MSI2: variants seen among roughly 807,000 people sequenced by gnomAD.
MSI2 encodes musashi RNA binding protein 2, also known as RNA-binding protein Musashi homolog 2.
MSI2 carries 17 observed loss-of-function variants against 45.6 expected under a neutral mutation model. That is an observed-to-expected ratio of 0.37 (90% CI 0.26 to 0.56). The LOEUF (loss-of-function observed/expected upper bound fraction) is 0.56, where lower values mean the gene tolerates loss of function less well. Among genes scored for constraint, MSI2 ranks in the 20% least tolerant of loss-of-function variants. The pLI is 0.77. For missense variants in MSI2, 293 were observed against 444.2 expected, an observed-to-expected ratio of 0.66 and a Z score of 3.06; for synonymous variants, 156 against 158.2, an observed-to-expected ratio of 0.99 and a Z score of 0.11.
chr17:57,411,539 G>A (rs931803973), intron 6 of MSI2, among the ~76,000 whole-genome samples: 18 of 152,162 alleles, frequency 1.2e-4, no homozygotes, highest in African/African-American at 4.3e-4. Flanking sequence ...AGGTAAGGAA[G>A]ACTAGGAGAG....
intron 5 of MSI2, among the ~76,000 whole-genome samples, chr17:57,308,833 T>TG (rs1380750176): frequency 6.6e-6 from 1 of 152,162 alleles, no homozygotes; most frequent in Non-Finnish European, 1.5e-5. Context: ...CTGTTTTTCC[T>TG]GGTGAGTTTT....
chr17:57,550,830 T>G (rs1234753416), intron 7 of MSI2, among the ~76,000 whole-genome samples: 1 of 152,164 alleles, frequency 6.6e-6, no homozygotes, highest in Non-Finnish European at 1.5e-5. Flanking sequence ...CACGTAGCCC[T>G]CTGTCTAGGG....
At chr17:57,497,719 T>C (rs1476211957) in intron 6 of MSI2, among the ~76,000 whole-genome samples, 1 of 152,180 alleles carries the variant, frequency 6.6e-6, no homozygotes, top group Non-Finnish European at 1.5e-5. Flanking sequence ...GAAACATGCT[T>C]TCTGAAGGAG....
chr17:57,673,884 G>A (rs1370367328), intron 11 of MSI2, among the ~76,000 whole-genome samples: 1 of 151,814 alleles, frequency 6.6e-6, no homozygotes, highest in African/African-American at 2.4e-5. Flanking sequence ...CAGGTGTTTT[G>A]GTCAGCTATG....
intron 8 of MSI2, among the ~76,000 whole-genome samples, chr17:57,605,868 C>A (rs1410136239): frequency 6.6e-6 from 1 of 152,248 alleles, no homozygotes; most frequent in African/African-American, 2.4e-5. Flanking sequence ...TCTGGCCCAG[C>A]CCACCGTGCC....
chr17:57,633,234 G>A (rs995804650), intron 10 of MSI2: 38 of 975,670 alleles, frequency 3.9e-5, no homozygotes, highest in African/African-American at 2.1e-4. Context: ...TTCTCGCTCC[G>A]GGGGAGGTGA....
chr17:57,416,436 C>T (rs1020758046), intron 6 of MSI2, among the ~76,000 whole-genome samples: 8 of 152,268 alleles, frequency 5.3e-5, no homozygotes, highest in Admixed American at 1.3e-4. Flanking sequence ...GGCTGGAAGC[C>T]GCCCGAAATA....
intron 6 of MSI2, among the ~76,000 whole-genome samples, chr17:57,526,033 T>C (rs1567877604): frequency 1.3e-5 from 2 of 152,166 alleles, no homozygotes; most frequent in African/African-American, 2.4e-5. Flanking sequence ...AAGACCAGCC[T>C]GACCAATGTG....
chr17:57,455,786 C>A lies in MSI2; in HGVS notation c.405+54315C>A, dbSNP rs140459656. Among the ~76,000 whole-genome samples the A allele has an allele frequency of 1.7e-3, 263 of 152,300 alleles. 1 individual carries two copies. The highest frequency in any genetic ancestry group is 6.2e-3 in the African/African-American group (256 of 41,550). ...GGGCCGCGTGGAGTGCCCAGCGGAACCTGCTCATGCTGATTTGCTGCGTCA... is the reference window on the plus strand; with the variant it reads ...GGGCCGCGTGGAGTGCCCAGCGGAAACTGCTCATGCTGATTTGCTGCGTCA... On this transcript the variant is annotated intron_variant, in intron 6 of 13. Coordinates refer to ENST00000284073, the MANE Select transcript of MSI2 (RefSeq NM_138962.4).
chr17:57,693,785 G>A, the MSI2 span, among the ~76,000 whole-genome samples: 1 of 152,180 alleles, frequency 6.6e-6, no homozygotes, highest in Non-Finnish European at 1.5e-5. Context: ...TTGATTGAAA[G>A]CAAAACATCT....
the MSI2 span, among the ~76,000 whole-genome samples, chr17:57,695,754 G>A: frequency 1.3e-5 from 2 of 152,094 alleles, no homozygotes; most frequent in African/African-American, 4.8e-5. Flanking sequence ...ATACTGGGTG[G>A]CTTAAACAAC....
In MSI2 at chr17:57,269,935, C is replaced by T. The variant is rs116188848; in HGVS notation, c.312+7743C>T. Among the ~76,000 whole-genome samples the T allele has an allele frequency of 3.0e-3, 462 of 152,198 alleles. 6 individuals carry two copies. Among genetic ancestry groups the T allele is most frequent in the African/African-American group, 0.011 (451 of 41,524 alleles). ...GCGCAGGTGTGGTCTTGGGGCTGAG[C>T]ACCCTGTGGTATGTTGTAGCAGCAG... On this transcript the variant is annotated intron_variant, in intron 5 of 13. Coordinates refer to ENST00000284073, the MANE Select transcript of MSI2 (RefSeq NM_138962.4).
At position 57,257,452 on chromosome 17, in the gene MSI2, T is replaced by C. The variant is rs1598033978; in HGVS notation, c.104-14T>C. ...TTCTCTCCCCCCCCCATCTCTCTCT[T>C]TCTCTCTCTACAGATAGCCTTAGAG... On this transcript the variant is annotated splice_polypyrimidine_tract_variant and intron_variant, in intron 2 of 13. Coordinates refer to ENST00000284073, the MANE Select transcript of MSI2 (RefSeq NM_138962.4). 1 of 1,379,200 alleles carries C rather than the reference T, an allele frequency of 7.3e-7. No individual in the cohort carries two copies. The highest frequency in any genetic ancestry group is 2.3e-5 in the East Asian group (1 of 43,252). The allele number at this position is 1,379,200 out of a possible 1,614,324, so 85.4% of individuals were successfully genotyped here.
rs540403646 is a variant in MSI2, at chr17:57,308,804, C to T, written c.312+46612C>T. Among the ~76,000 whole-genome samples the T allele has an allele frequency of 2.8e-4, 43 of 152,284 alleles. 1 individual carries two copies. The South Asian group carries it at 7.9e-3, about 28-fold the overall frequency. ...ACAACCCCCCTCATTTCCACTTCCA[C>T]GTTGTCCTTGAGGAGGAGCTGTTTT... On this transcript the variant is annotated intron_variant, in intron 5 of 13. Transcript: ENST00000284073.
chr17:57,436,201 C>T (rs185407128), intron 6 of MSI2, among the ~76,000 whole-genome samples: 2 of 152,268 alleles, frequency 1.3e-5, no homozygotes, highest in East Asian at 1.9e-4. Flanking sequence ...CGTGGGCAAG[C>T]GACTTGACCT....
In MSI2 at chr17:57,503,795, A is replaced by G. The variant is rs76465691; in HGVS notation, c.406-25881A>G. On this transcript the variant is annotated intron_variant, in intron 6 of 13. Transcript: ENST00000284073. Reference sequence around the variant, plus strand: ...AGAGTCTTGCTGTTGTCCAGGCTGGAGTGCAGTCGCGCAATCGCGGCTCAC... The same window carrying G: ...AGAGTCTTGCTGTTGTCCAGGCTGGGGTGCAGTCGCGCAATCGCGGCTCAC... 8.1e-3 allele frequency among the ~76,000 whole-genome samples: 1,227 copies of G among 152,292 alleles called. 10 individuals are homozygous for G. The highest frequency in any genetic ancestry group is 0.027 in the African/African-American group (1,129 of 41,554).
intron 7 of MSI2, among the ~76,000 whole-genome samples, chr17:57,530,707 C>G (rs577292199): frequency 2.5e-4 from 38 of 152,276 alleles, no homozygotes; most frequent in African/African-American, 8.9e-4. Flanking sequence ...TGTTTACATT[C>G]CTGCTGTCAC....
At chr17:57,503,830 C>T (rs1257044719) in intron 6 of MSI2, among the ~76,000 whole-genome samples, 2 of 152,206 alleles carry the variant, frequency 1.3e-5, no homozygotes, top group South Asian at 2.1e-4. Context: ...CGACAACCTC[C>T]GCCTCCCAGG....
chr17:57,487,539 C>T (rs951568504), intron 6 of MSI2, among the ~76,000 whole-genome samples: 1 of 152,150 alleles, frequency 6.6e-6, no homozygotes, highest in Admixed American at 6.5e-5. Context: ...CCTTTCCATG[C>T]TGCCAGAGGG....
Sources: gnomAD v4.1 joint callset for allele counts (sites outside exome capture counted in the v4.1 genomes callset) on GRCh38, gnomAD v4.1.1 for gene constraint, MANE v1.5 for transcripts, NCBI Gene and HGNC (gene_info 2026-07-23, HGNC 2026-07-21) for gene names.